RBFOX1: variants seen among roughly 807,000 people sequenced by gnomAD.
RBFOX1 encodes RNA binding fox-1 homolog 1.
A neutral mutation model predicts 57.7 loss-of-function variants in RBFOX1; 8 were observed. The ratio of observed to expected loss-of-function variants is 0.14; its 90% CI spans 0.08 to 0.25. The LOEUF is 0.25. Among genes scored for constraint, RBFOX1 ranks in the 10% least tolerant of loss-of-function variants. The probability of loss-of-function intolerance (pLI) is 1.00; values close to 1 mark genes in which losing one functional copy is unlikely to be tolerated. For synonymous variants in RBFOX1, 326 were observed against 222.4 expected, an observed-to-expected ratio of 1.47 and a Z score of -4.15; for missense variants, 611 against 548.5, an observed-to-expected ratio of 1.11 and a Z score of -1.14.
intron 3 of RBFOX1, among the ~76,000 whole-genome samples, chr16:5,617,673 C>G (rs1467786092): frequency 6.6e-6 from 1 of 152,184 alleles, no homozygotes; most frequent in Non-Finnish European, 1.5e-5. Flanking sequence ...TTTCTGAGGA[C>G]TATACCCTGG....
At chr16:7,069,691 C>T (rs996982621) in intron 4 of RBFOX1, among the ~76,000 whole-genome samples, 3 of 152,152 alleles carry the variant, frequency 2.0e-5, no homozygotes, top group African/African-American at 4.8e-5. Context: ...CCAGCTTCCT[C>T]ATGCGCTAGA....
At chr16:7,561,824 T>A (rs577416238) in intron 5 of RBFOX1, among the ~76,000 whole-genome samples, 21 of 152,366 alleles carry the variant, frequency 1.4e-4, no homozygotes, top group African/African-American at 5.0e-4. Flanking sequence ...TCTGGGAAAT[T>A]AGCATAACGT....
intron 1 of RBFOX1, among the ~76,000 whole-genome samples, chr16:5,308,184 A>G (rs1221229270): frequency 6.6e-6 from 1 of 152,100 alleles, no homozygotes; most frequent in African/African-American, 2.4e-5. Flanking sequence ...TACTAAAAAT[A>G]CAAAAAATTA....
intron 3 of RBFOX1, among the ~76,000 whole-genome samples, chr16:5,749,349 G>A (rs548545726): frequency 1.3e-5 from 2 of 152,196 alleles, no homozygotes; most frequent in East Asian, 1.9e-4. Flanking sequence ...TTGTCTTGGA[G>A]TTGCTCTTCT....
chr16:6,842,893 C>G (rs775886146), intron 3 of RBFOX1, among the ~76,000 whole-genome samples: 39 of 152,184 alleles, frequency 2.6e-4, no homozygotes, highest in South Asian at 6.2e-4. Flanking sequence ...CATTGTTCAA[C>G]TCCGACTTAT....
At chr16:7,499,338 T>C (rs80183811) in intron 4 of RBFOX1, among the ~76,000 whole-genome samples, 5,990 of 152,250 alleles carry the variant, frequency 0.039, 184 homozygotes, top group East Asian at 0.1. Flanking sequence ...GACACAGTCA[T>C]ATGGATTCAG....
At chr16:5,293,251 G>A (rs191779008) in intron 1 of RBFOX1, among the ~76,000 whole-genome samples, 7 of 152,232 alleles carry the variant, frequency 4.6e-5, no homozygotes, top group Admixed American at 3.9e-4. Flanking sequence ...GAACCTGGGA[G>A]GTGGAGGTGT....
At chr16:6,763,860 T>G (rs1173337339) in intron 3 of RBFOX1, among the ~76,000 whole-genome samples, 5 of 152,216 alleles carry the variant, frequency 3.3e-5, no homozygotes, top group Admixed American at 6.5e-5. Context: ...AATTCCTCTA[T>G]TTCATTTGCA....
intron 1 of RBFOX1, among the ~76,000 whole-genome samples, chr16:6,195,278 A>T (rs1379606345): frequency 6.6e-6 from 1 of 152,290 alleles, no homozygotes; most frequent in African/African-American, 2.4e-5. Flanking sequence ...AGCCAGTCTT[A>T]TTATAGCATT....
chr16:6,701,075 C>T (rs369300918), intron 3 of RBFOX1, among the ~76,000 whole-genome samples: 2 of 151,990 alleles, frequency 1.3e-5, no homozygotes, highest in South Asian at 2.1e-4. Context: ...CCTGGAAAGC[C>T]TCAGCTGACC....
At chr16:7,302,375 G>A (rs770014433) in intron 4 of RBFOX1, among the ~76,000 whole-genome samples, 4 of 152,080 alleles carry the variant, frequency 2.6e-5, no homozygotes, top group Non-Finnish European at 5.9e-5. Flanking sequence ...TGTGCCTTGC[G>A]AGCTGATGGC....
intron 4 of RBFOX1, among the ~76,000 whole-genome samples, chr16:7,425,030 A>T (rs1440170980): frequency 6.6e-6 from 1 of 152,218 alleles, no homozygotes. Context: ...TTGACATAAA[A>T]GGGGGAAATT....
At chr16:7,195,680 G>A (rs1312839508) in intron 4 of RBFOX1, among the ~76,000 whole-genome samples, 2 of 152,072 alleles carry the variant, frequency 1.3e-5, no homozygotes, top group Admixed American at 6.6e-5. Context: ...AGCCTCCCGA[G>A]TAGCTGGAAC....
intron 1 of RBFOX1, among the ~76,000 whole-genome samples, chr16:6,119,441 C>A (rs2096531892): frequency 6.6e-6 from 1 of 152,068 alleles, no homozygotes; most frequent in Non-Finnish European, 1.5e-5. Context: ...AAGGCATTTG[C>A]CAAGTTTCTT....
At chr16:7,287,199 G>A (rs80182959) in intron 4 of RBFOX1, among the ~76,000 whole-genome samples, 8 of 152,138 alleles carry the variant, frequency 5.3e-5, no homozygotes, top group Admixed American at 6.5e-5. Flanking sequence ...TGCAGGTCTT[G>A]ATAATGTCTT....
chr16:6,299,890 G>A (rs1028851041), intron 1 of RBFOX1, among the ~76,000 whole-genome samples: 8 of 152,086 alleles, frequency 5.3e-5, no homozygotes. Context: ...CCACACCCTC[G>A]TTTTAACACA....
chr16:5,843,052 C>T (rs1404218405), intron 3 of RBFOX1, among the ~76,000 whole-genome samples: 2 of 152,174 alleles, frequency 1.3e-5, no homozygotes, highest in African/African-American at 2.4e-5. Context: ...TGGTCTCGAA[C>T]TCCTGACCTC....
chr16:5,966,008 C>T (rs2059836680), intron 4 of RBFOX1, among the ~76,000 whole-genome samples: 2 of 152,174 alleles, frequency 1.3e-5, no homozygotes, highest in African/African-American at 2.4e-5. Flanking sequence ...CAACAGTTTC[C>T]TCTTCATACT....
At chr16:7,557,384 C>G (rs552347901) in intron 5 of RBFOX1, among the ~76,000 whole-genome samples, 144 of 152,122 alleles carry the variant, frequency 9.5e-4, no homozygotes, top group African/African-American at 3.4e-3. Context: ...CTTTGGGAGG[C>G]CAACGTGGGC....
Sources: gnomAD v4.1 joint callset for allele counts (sites outside exome capture counted in the v4.1 genomes callset) on GRCh38, gnomAD v4.1.1 for gene constraint, MANE v1.5 for transcripts, NCBI Gene and HGNC (gene_info 2026-07-23, HGNC 2026-07-21) for gene names.